SGCD: variants seen among roughly 807,000 people sequenced by gnomAD.
SGCD encodes sarcoglycan delta.
A neutral mutation model predicts 36.6 loss-of-function variants in SGCD; 18 were observed. The observed-to-expected ratio is 0.49, with a 90% CI of 0.34 to 0.73. The LOEUF (loss-of-function observed/expected upper bound fraction) is 0.73, where lower values mean the gene tolerates loss of function less well. SGCD is among the 30% of genes least tolerant of loss of function. The probability of loss-of-function intolerance (pLI) is 0.01; values close to 1 mark genes in which losing one functional copy is unlikely to be tolerated. For synonymous variants in SGCD, 133 were observed against 130.6 expected (o/e 1.02, Z -0.12); for missense variants, 387 against 346.7 (o/e 1.12, Z -0.92).
At chr5:156,586,392 A>C (rs1401995091) in intron 4 of SGCD, among the ~76,000 whole-genome samples, 1 of 152,196 alleles carries the variant, frequency 6.6e-6, no homozygotes, top group Non-Finnish European at 1.5e-5. Context: ...GCTTTTGGTT[A>C]GCTGGCTGAG....
At chr5:156,289,492 G>C (rs1766702167) in intron 3 of SGCD, among the ~76,000 whole-genome samples, 1 of 151,402 alleles carries the variant, frequency 6.6e-6, no homozygotes, top group Admixed American at 6.6e-5. Flanking sequence ...GTTGTGTGTT[G>C]CTCCCCTCTC....
chr5:156,498,997 A>G (rs1756329386), intron 3 of SGCD, among the ~76,000 whole-genome samples: 1 of 151,558 alleles, frequency 6.6e-6, no homozygotes, highest in Non-Finnish European at 1.5e-5. Context: ...GGAAACTCCC[A>G]AAAGGAAGGA....
chr5:155,796,996 T>G, the SGCD span, among the ~76,000 whole-genome samples: 2 of 151,958 alleles, frequency 1.3e-5, no homozygotes, highest in African/African-American at 4.8e-5. Context: ...TTTACAAAGA[T>G]TAATAAATTT....
At chr5:156,440,037 G>A (rs1753415644) in intron 3 of SGCD, among the ~76,000 whole-genome samples, 1 of 152,050 alleles carries the variant, frequency 6.6e-6, no homozygotes, top group Non-Finnish European at 1.5e-5. Context: ...GTGGCATTTG[G>A]TATATTCAAA....
intron 4 of SGCD, among the ~76,000 whole-genome samples, chr5:156,551,856 C>G (rs1758811152): frequency 6.6e-6 from 1 of 152,154 alleles, no homozygotes; most frequent in African/African-American, 2.4e-5. Context: ...TTTGCTTTTA[C>G]TGTGACTTCT....
At chr5:155,782,715 G>A in the SGCD span, among the ~76,000 whole-genome samples, 1 of 152,160 alleles carries the variant, frequency 6.6e-6, no homozygotes, top group Non-Finnish European at 1.5e-5. Flanking sequence ...TCTGCCTCTT[G>A]TCAGATCAGC....
intron 3 of SGCD, among the ~76,000 whole-genome samples, chr5:156,409,680 A>G (rs1347268614): frequency 6.6e-6 from 1 of 152,218 alleles, no homozygotes; most frequent in African/African-American, 2.4e-5. Context: ...CTAATAGGTA[A>G]TAGAAATAGT....
intron 7 of SGCD, among the ~76,000 whole-genome samples, chr5:156,743,547 A>G (rs1007326965): frequency 4.6e-5 from 7 of 150,812 alleles, no homozygotes; most frequent in African/African-American, 1.7e-4. Flanking sequence ...AGTATAATCC[A>G]TGTTTATTAA....
chr5:156,329,667 G>A (rs1767973955), intron 2 of SGCD, 88 bp downstream of exon 2: 2 of 1,205,422 alleles, frequency 1.7e-6, no homozygotes, highest in Admixed American at 1.9e-5. Flanking sequence ...AGAGAACAAA[G>A]TGTTATATAT....
At chr5:156,043,220 G>C (rs1402302234) in intron 1 of SGCD, among the ~76,000 whole-genome samples, 2 of 152,132 alleles carry the variant, frequency 1.3e-5, no homozygotes, top group African/African-American at 4.8e-5. Context: ...AGCTTCCCAT[G>C]TTGCTAAATG....
chr5:156,492,715 GC>G (rs1232696085), intron 3 of SGCD, among the ~76,000 whole-genome samples: 1 of 151,940 alleles, frequency 6.6e-6, no homozygotes. Context: ...ATCTATCCTA[GC>G]CCCCACCACC....
intron 3 of SGCD, among the ~76,000 whole-genome samples, chr5:156,455,204 C>T (rs1268097978): frequency 1.3e-5 from 2 of 152,152 alleles, no homozygotes; most frequent in Admixed American, 1.3e-4. Context: ...CATGATAGGA[C>T]TCATGGAGGA....
At chr5:156,217,272 A>G (rs921370207) in intron 3 of SGCD, among the ~76,000 whole-genome samples, 5 of 152,204 alleles carry the variant, frequency 3.3e-5, no homozygotes, top group Admixed American at 1.3e-4. Flanking sequence ...ACTGAAATTT[A>G]TTCAACTGTG....
chr5:155,969,878 ATCGT>A (rs966043849), intron 1 of SGCD, among the ~76,000 whole-genome samples: 4 of 152,182 alleles, frequency 2.6e-5, no homozygotes, highest in African/African-American at 9.6e-5. Flanking sequence ...AGCTCTGCTA[ATCGT>A]TCGACAAAAG....
At chr5:155,981,779 C>T (rs1186330756) in intron 1 of SGCD, among the ~76,000 whole-genome samples, 2 of 152,120 alleles carry the variant, frequency 1.3e-5, no homozygotes, top group African/African-American at 4.8e-5. Flanking sequence ...CCTCCACAAG[C>T]CTCTCCTTAC....
intron 3 of SGCD, among the ~76,000 whole-genome samples, chr5:156,368,267 A>G (rs1165558469): frequency 1.3e-5 from 2 of 151,610 alleles, no homozygotes; most frequent in Non-Finnish European, 2.9e-5. Context: ...ATTTTTTTGT[A>G]TTTTTAGTAG....
chr5:156,622,578 A>G (rs899857723), intron 6 of SGCD, among the ~76,000 whole-genome samples: 8 of 151,904 alleles, frequency 5.3e-5, no homozygotes, highest in East Asian at 1.9e-4. Context: ...TGCAAATTTA[A>G]TAAACATTTT....
chr5:156,019,143 T>C (rs1327771131), intron 1 of SGCD, among the ~76,000 whole-genome samples: 1 of 152,226 alleles, frequency 6.6e-6, no homozygotes, highest in Admixed American at 6.5e-5. Context: ...AATAAACTGA[T>C]CTTTAAAACA....
At chr5:155,821,594 T>A in the SGCD span, among the ~76,000 whole-genome samples, 2 of 152,200 alleles carry the variant, frequency 1.3e-5, no homozygotes, top group African/African-American at 4.8e-5. Flanking sequence ...ATTACAGGTG[T>A]GAGCTACTGT....
Sources: gnomAD v4.1 joint callset for allele counts (sites outside exome capture counted in the v4.1 genomes callset) on GRCh38, gnomAD v4.1.1 for gene constraint, MANE v1.5 for transcripts, NCBI Gene and HGNC (gene_info 2026-07-23, HGNC 2026-07-21) for gene names.